The following FERMT2 variants were observed in gnomAD, a reference collection of about 807,000 sequenced individuals.
FERMT2 encodes the protein FERM domain containing kindlin 2.
A neutral mutation model predicts 82.7 loss-of-function variants in FERMT2; 15 were observed. The observed-to-expected ratio is 0.18, with a 90% CI of 0.12 to 0.28. The LOEUF is 0.28. Among genes scored for constraint, FERMT2 ranks in the 10% least tolerant of loss-of-function variants. FERMT2 has a pLI of 1.00. For missense variants in FERMT2, 645 were observed against 809.4 expected (o/e 0.80, Z 2.46); for synonymous variants, 274 against 271.5 (o/e 1.01, Z -0.09).
intron 10 of FERMT2, among the ~76,000 whole-genome samples, chr14:52,868,989 TATTA>T (rs1178312247): frequency 6.6e-6 from 1 of 152,054 alleles, no homozygotes; most frequent in Admixed American, 6.6e-5. Flanking sequence ...CTTATAAACT[TATTA>T]ATTCCATGCC....
At chr14:52,885,834 G>T (rs1001104860) in intron 4 of FERMT2, among the ~76,000 whole-genome samples, 7 of 151,486 alleles carry the variant, frequency 4.6e-5, no homozygotes, top group Admixed American at 1.3e-4. Flanking sequence ...TTTATCAAAA[G>T]AATTTTTATG....
intron 10 of FERMT2, among the ~76,000 whole-genome samples, chr14:52,868,510 GGTT>G (rs1053124316): frequency 6.6e-6 from 1 of 152,142 alleles, no homozygotes; most frequent in African/African-American, 2.4e-5. Context: ...GACTGTAAGT[GGTT>G]CTTCCTTGTA....
intron 10 of FERMT2, among the ~76,000 whole-genome samples, chr14:52,867,214 A>G (rs1885340057): frequency 6.6e-6 from 1 of 151,604 alleles, no homozygotes; most frequent in Admixed American, 6.6e-5. Context: ...TGTTGGGATT[A>G]TAAGCATGAA....
intron 12 of FERMT2, 81 bp downstream of exon 12, chr14:52,864,320 T>C: frequency 2.0e-6 from 2 of 1,002,056 alleles, no homozygotes; most frequent in Admixed American, 2.1e-5. Context: ...AAAAGTTTTG[T>C]TTAAGAGGGG....
intron 5 of FERMT2, 21 bp from the exon 6 acceptor site, chr14:52,881,159 G>A (rs1228529775): frequency 1.3e-6 from 2 of 1,599,144 alleles, no homozygotes; most frequent in Admixed American, 3.3e-5. Flanking sequence ...TAAGAACAGT[G>A]GAACAAAACA....
intron 3 of FERMT2, among the ~76,000 whole-genome samples, chr14:52,915,644 T>C (rs928411370): frequency 6.6e-6 from 1 of 152,086 alleles, no homozygotes; most frequent in Non-Finnish European, 1.5e-5. Flanking sequence ...GCAGTAAACA[T>C]GAAAAACAAA....
In FERMT2 at chr14:52,857,395, G is replaced by T. The variant is rs1488657362; in HGVS notation, c.*982C>A. The T allele has an allele frequency of 6.6e-6, 1 of 152,550 alleles. No individual in the cohort carries two copies. The highest frequency in any genetic ancestry group is 1.5e-5 in the Non-Finnish European group (1 of 68,034). 9.4% of individuals were successfully genotyped at this position (152,550 alleles called of 1,614,324 possible). A position where few individuals can be genotyped will look rare whatever the true frequency, so the allele number is the denominator to read the frequency against. On this transcript the variant is annotated 3_prime_UTR_variant, in exon 15 of 15. Coordinates refer to ENST00000341590, the MANE Select transcript of FERMT2 (RefSeq NM_006832.3). ...CACCCTTTTGGGCTATGTGAGCTAG[G>T]AATTTTCTGACTAGCACCAATACAG...
chr14:52,924,701 G>T (rs975907157), intron 2 of FERMT2, among the ~76,000 whole-genome samples: 1 of 151,998 alleles, frequency 6.6e-6, no homozygotes, highest in African/African-American at 2.4e-5. Context: ...AACTTTTCCT[G>T]GATATTTTAC....
intron 3 of FERMT2, among the ~76,000 whole-genome samples, chr14:52,913,376 A>G (rs529453295): frequency 3.9e-5 from 6 of 152,296 alleles, no homozygotes; most frequent in African/African-American, 1.4e-4. Context: ...CTCACTGGAT[A>G]TGGCTTCTCT....
intron 3 of FERMT2, among the ~76,000 whole-genome samples, chr14:52,913,673 C>T (rs894606236): frequency 8.5e-6 from 1 of 118,048 alleles, no homozygotes; most frequent in African/African-American, 3.5e-5. Context: ...TGCCATGCAG[C>T]CAAAAACAGT....
At chr14:52,948,533 A>G in intron 2 of FERMT2, 1 of 453,344 alleles carries the variant, frequency 2.2e-6, no homozygotes, top group Admixed American at 2.4e-5. Context: ...GAAAAGATGT[A>G]AGGTTTCCAT....
At chr14:52,913,680 C>CAGT (rs60319673) in intron 3 of FERMT2, among the ~76,000 whole-genome samples, 7,504 of 147,760 alleles carry the variant, frequency 0.051, 333 homozygotes, top group African/African-American at 0.11. Context: ...CAGCCAAAAA[C>CAGT]AGTAGTAGTA....
chr14:52,900,788 G>A (rs901012787), intron 3 of FERMT2, among the ~76,000 whole-genome samples: 8 of 152,000 alleles, frequency 5.3e-5, no homozygotes, highest in African/African-American at 1.9e-4. Flanking sequence ...ATTAAACTCA[G>A]GTAACCTACT....
chr14:52,897,710 C>T (rs1887369872), intron 3 of FERMT2, among the ~76,000 whole-genome samples: 1 of 152,088 alleles, frequency 6.6e-6, no homozygotes, highest in South Asian at 2.1e-4. Flanking sequence ...GGCACGACGG[C>T]TCACGCCTGT....
intron 4 of FERMT2, among the ~76,000 whole-genome samples, chr14:52,892,120 A>G (rs1309403451): frequency 6.6e-6 from 1 of 151,776 alleles, no homozygotes; most frequent in East Asian, 1.9e-4. Flanking sequence ...AAAGGTAGGA[A>G]GGCCCGGAAA....
chr14:52,903,842 G>C (rs916736645), intron 3 of FERMT2, among the ~76,000 whole-genome samples: 16 of 152,120 alleles, frequency 1.1e-4, no homozygotes, highest in Non-Finnish European at 7.3e-5. Flanking sequence ...ATGCTGAAGG[G>C]AAATCCTAGG....
chr14:52,918,208 A>G (rs1438839806), intron 3 of FERMT2, among the ~76,000 whole-genome samples: 2 of 152,200 alleles, frequency 1.3e-5, no homozygotes, highest in African/African-American at 4.8e-5. Context: ...ACAGCTTAAA[A>G]GAATGTATAA....
At chr14:52,904,813 G>A (rs890751204) in intron 3 of FERMT2, among the ~76,000 whole-genome samples, 6 of 149,708 alleles carry the variant, frequency 4.0e-5, no homozygotes, top group Non-Finnish European at 8.9e-5. Context: ...ACACATTTTG[G>A]CTCAGGAAGT....
At chr14:52,865,638 T>A (rs1419265365) in intron 10 of FERMT2, among the ~76,000 whole-genome samples, 1 of 152,184 alleles carries the variant, frequency 6.6e-6, no homozygotes, top group Admixed American at 6.5e-5. Context: ...AAGAATGACA[T>A]GAACAAAGCA....
Sources: allele counts gnomAD v4.1 joint callset (sites outside exome capture counted in the v4.1 genomes callset), GRCh38; gene constraint gnomAD v4.1.1; transcripts MANE v1.5; gene names NCBI Gene and HGNC (gene_info 2026-07-23, HGNC 2026-07-21).